The following SHANK2 variants were observed in gnomAD, a reference collection of about 807,000 sequenced individuals.
SHANK2 encodes the protein SH3 and multiple ankyrin repeat domains 2.
SHANK2 carries 43 observed loss-of-function variants against 133.7 expected under a neutral mutation model. That is an observed-to-expected ratio of 0.32 (90% CI 0.25 to 0.41). SHANK2 has a LOEUF of 0.41. SHANK2 is among the 10% of genes least tolerant of loss of function. The pLI, the probability that SHANK2 is intolerant of heterozygous loss-of-function variation, is 1.00. For synonymous variants in SHANK2, 1,017 were observed against 952.8 expected (o/e 1.07, Z -1.24); for missense variants, 1,994 against 2,235.8 (o/e 0.89, Z 2.18).
chr11:70,826,059 G>C (rs1413479851), intron 11 of SHANK2, among the ~76,000 whole-genome samples: 2 of 152,192 alleles, frequency 1.3e-5, no homozygotes, highest in Non-Finnish European at 2.9e-5. Flanking sequence ...TCGGAAGGTA[G>C]CCACCCATTT....
chr11:70,685,329 G>A (rs1214510705), intron 15 of SHANK2, among the ~76,000 whole-genome samples: 1 of 151,968 alleles, frequency 6.6e-6, no homozygotes, highest in Non-Finnish European at 1.5e-5. Flanking sequence ...ACTCATCTTG[G>A]AGGCCTCAGA....
chr11:70,686,842 T>G (rs1255679955), intron 15 of SHANK2, among the ~76,000 whole-genome samples: 1 of 152,210 alleles, frequency 6.6e-6, no homozygotes, highest in Non-Finnish European at 1.5e-5. Flanking sequence ...CCCGAAAACC[T>G]GCTGCTTCCC....
At chr11:70,584,751 G>C (rs898683869) in intron 17 of SHANK2, among the ~76,000 whole-genome samples, 3 of 152,192 alleles carry the variant, frequency 2.0e-5, no homozygotes, top group African/African-American at 7.2e-5. Context: ...TACCTCCTGG[G>C]AAGAGTGAGT....
intron 9 of SHANK2, among the ~76,000 whole-genome samples, chr11:71,062,320 T>C (rs1265742448): frequency 2.0e-5 from 3 of 152,148 alleles, no homozygotes; most frequent in Non-Finnish European, 2.9e-5. Flanking sequence ...TTTTTTGCTT[T>C]GGTAAGAGAG....
intron 8 of SHANK2, among the ~76,000 whole-genome samples, chr11:71,089,625 C>A (rs1951471233): frequency 6.6e-6 from 1 of 151,406 alleles, no homozygotes; most frequent in Non-Finnish European, 1.5e-5. Context: ...CTGATGAGCA[C>A]CCATTAGCAG....
chr11:71,096,273 A>T (rs1951610436), intron 6 of SHANK2, among the ~76,000 whole-genome samples: 1 of 152,202 alleles, frequency 6.6e-6, no homozygotes, highest in African/African-American at 2.4e-5. Flanking sequence ...CTTCAGTGGC[A>T]GTGGGGGATG....
intron 3 of SHANK2, among the ~76,000 whole-genome samples, chr11:71,141,580 C>G (rs1340225086): frequency 1.3e-5 from 2 of 152,136 alleles, no homozygotes; most frequent in Non-Finnish European, 2.9e-5. Flanking sequence ...TGAGGCCTCC[C>G]CAGCCATGTG....
intron 9 of SHANK2, 125 bp from the exon 10 acceptor site, chr11:71,056,683 G>C (rs1171796079): frequency 6.6e-6 from 1 of 152,230 alleles, no homozygotes; most frequent in East Asian, 1.9e-4. Flanking sequence ...AAAAGGGAAA[G>C]CATGTTGCTT....
intron 17 of SHANK2, among the ~76,000 whole-genome samples, chr11:70,580,294 A>C (rs907732555): frequency 2.0e-5 from 3 of 152,186 alleles, no homozygotes; most frequent in African/African-American, 4.8e-5. Context: ...TACATTTTGC[A>C]ACTGAAGACC....
At chr11:70,893,027 C>T (rs1485054462) in intron 11 of SHANK2, among the ~76,000 whole-genome samples, 1 of 152,232 alleles carries the variant, frequency 6.6e-6, no homozygotes. Context: ...CTCAAATCCT[C>T]ACCTCAAGGT....
chr11:70,583,512 T>A (rs1212193143), intron 17 of SHANK2, among the ~76,000 whole-genome samples: 3 of 152,184 alleles, frequency 2.0e-5, no homozygotes, highest in African/African-American at 4.8e-5. Flanking sequence ...GAGCTCTGAT[T>A]CTTGCAAGGG....
intron 10 of SHANK2, among the ~76,000 whole-genome samples, chr11:70,945,477 C>T (rs1271492909): frequency 8.5e-5 from 13 of 152,290 alleles, no homozygotes; most frequent in Admixed American, 1.3e-4. Context: ...TGAGCTCCGA[C>T]GGCTTCCAGC....
intron 17 of SHANK2, among the ~76,000 whole-genome samples, chr11:70,537,325 T>A (rs140093594): frequency 6.6e-6 from 1 of 152,246 alleles, no homozygotes; most frequent in Non-Finnish European, 1.5e-5. Flanking sequence ...TATGACTTTA[T>A]TTGGAAAAAG....
chr11:70,936,989 A>C (rs1193530270), intron 10 of SHANK2, among the ~76,000 whole-genome samples: 1 of 152,024 alleles, frequency 6.6e-6, no homozygotes, highest in African/African-American at 2.4e-5. Context: ...GATTGGCCTG[A>C]CCTTTTTTGA....
intron 12 of SHANK2, among the ~76,000 whole-genome samples, chr11:70,812,029 C>T (rs575219959): frequency 5.3e-5 from 8 of 152,254 alleles, no homozygotes; most frequent in Non-Finnish European, 1.2e-4. Flanking sequence ...ACTGTGATAA[C>T]GCACTCTGCC....
chr11:70,740,596 C>T (rs1413723784), intron 14 of SHANK2, among the ~76,000 whole-genome samples: 3 of 152,188 alleles, frequency 2.0e-5, no homozygotes. Flanking sequence ...CTCCCCCTCA[C>T]CCCCTGCCCG....
At chr11:71,127,283 T>C (rs561453672) in intron 3 of SHANK2, among the ~76,000 whole-genome samples, 4 of 152,326 alleles carry the variant, frequency 2.6e-5, no homozygotes, top group African/African-American at 9.6e-5. Context: ...CTGGTGAAGA[T>C]GCTATGAACA....
intron 3 of SHANK2, among the ~76,000 whole-genome samples, chr11:71,130,691 GACTT>G (rs1952284669): frequency 1.3e-5 from 2 of 152,158 alleles, no homozygotes; most frequent in Admixed American, 6.5e-5. Context: ...CCTCAGGTGA[GACTT>G]ACATCCACCT....
intron 4 of SHANK2, among the ~76,000 whole-genome samples, chr11:71,115,020 A>G (rs1215171083): frequency 6.6e-6 from 1 of 152,042 alleles, no homozygotes; most frequent in Non-Finnish European, 1.5e-5. Context: ...TTTTCTTGCT[A>G]TTTCTCCAAC....
Sources: allele counts gnomAD v4.1 joint callset (sites outside exome capture counted in the v4.1 genomes callset), GRCh38; gene constraint gnomAD v4.1.1; transcripts MANE v1.5; gene names NCBI Gene and HGNC (gene_info 2026-07-23, HGNC 2026-07-21).